GLI3: variants seen among roughly 807,000 people sequenced by gnomAD.
The protein encoded by GLI3 is GLI family zinc finger 3.
In GLI3, 20 loss-of-function variants were observed where a neutral mutation model predicts 100.8. The ratio of observed to expected loss-of-function variants is 0.20; its 90% CI spans 0.14 to 0.29. The LOEUF (loss-of-function observed/expected upper bound fraction) is 0.29, where lower values mean the gene tolerates loss of function less well. GLI3 is among the 10% of genes least tolerant of loss of function. The pLI is 1.00. For synonymous variants in GLI3, 938 were observed against 860.5 expected (o/e 1.09, Z -1.58); for missense variants, 2,040 against 2,128.5 (o/e 0.96, Z 0.82).
chr7:42,168,414 A>G (rs1787288613), intron 2 of GLI3, among the ~76,000 whole-genome samples: 1 of 152,236 alleles, frequency 6.6e-6, no homozygotes, highest in Non-Finnish European at 1.5e-5. Flanking sequence ...GAATATTCAC[A>G]GGATCGCTCT....
At chr7:42,115,178 T>C (rs1187687336) in intron 3 of GLI3, among the ~76,000 whole-genome samples, 51 of 131,244 alleles carry the variant, frequency 3.9e-4, no homozygotes, top group African/African-American at 1.2e-3. Flanking sequence ...TCGCTCTGTC[T>C]CCCAGGTTGG....
chr7:42,183,245 TG>T (rs1787653268), intron 2 of GLI3, among the ~76,000 whole-genome samples: 1 of 152,018 alleles, frequency 6.6e-6, no homozygotes, highest in Non-Finnish European at 1.5e-5. Flanking sequence ...AAAAAATCAC[TG>T]TTAATATTGA....
chr7:41,987,715 G>A (rs1193772215), intron 10 of GLI3, among the ~76,000 whole-genome samples: 1 of 152,164 alleles, frequency 6.6e-6, no homozygotes, highest in African/African-American at 2.4e-5. Flanking sequence ...TGAAAAAGCA[G>A]ATAGTTTCTA....
At chr7:42,131,389 G>A (rs969208437) in intron 3 of GLI3, among the ~76,000 whole-genome samples, 1 of 152,272 alleles carries the variant, frequency 6.6e-6, no homozygotes, top group East Asian at 1.9e-4. Context: ...CAACATGATA[G>A]GTAGGAAAGC....
intron 3 of GLI3, among the ~76,000 whole-genome samples, chr7:42,124,036 G>A (rs896442702): frequency 1.5e-4 from 23 of 151,806 alleles, no homozygotes; most frequent in East Asian, 1.9e-4. Context: ...TGCTTTGTTC[G>A]ACTCTCCCAC....
intron 4 of GLI3, among the ~76,000 whole-genome samples, chr7:42,067,942 T>C (rs1784708544): frequency 6.6e-6 from 1 of 152,256 alleles, no homozygotes; most frequent in African/African-American, 2.4e-5. Context: ...TAAGAAAATT[T>C]TAAATATCTG....
chr7:42,020,978 A>G (rs1182257793), intron 10 of GLI3, among the ~76,000 whole-genome samples: 2 of 152,090 alleles, frequency 1.3e-5, no homozygotes, highest in African/African-American at 4.8e-5. Flanking sequence ...GACTTGAAGT[A>G]GCTATTCCTT....
chr7:42,103,757 A>T (rs1391868874), intron 3 of GLI3, among the ~76,000 whole-genome samples: 2 of 152,044 alleles, frequency 1.3e-5, no homozygotes, highest in African/African-American at 4.8e-5. Context: ...CACCCAAGAT[A>T]ACCCAAGATA....
At chr7:42,073,087 G>A (rs188320539) in intron 4 of GLI3, among the ~76,000 whole-genome samples, 4 of 152,102 alleles carry the variant, frequency 2.6e-5, no homozygotes, top group African/African-American at 4.8e-5. Context: ...CAACCTTTAC[G>A]TGACAACTCA....
intron 10 of GLI3, among the ~76,000 whole-genome samples, chr7:42,018,460 G>T (rs751166147): frequency 6.6e-6 from 1 of 152,124 alleles, no homozygotes; most frequent in Non-Finnish European, 1.5e-5. Context: ...CAAAGGGATC[G>T]AAATTATATG....
intron 10 of GLI3, among the ~76,000 whole-genome samples, chr7:41,981,860 C>T (rs1403051042): frequency 6.6e-6 from 1 of 152,166 alleles, no homozygotes; most frequent in Admixed American, 6.5e-5. Context: ...CTGGAAAAAT[C>T]CCAATCATTT....
upstream of GLI3, among the ~76,000 whole-genome samples, chr7:42,264,268 C>T (rs1789175729): frequency 6.6e-6 from 1 of 152,196 alleles, no homozygotes. Context: ...AGAACACTGA[C>T]ACCTGATACA....
rs550264781 is a variant in GLI3 at position 41,964,064 on chromosome 7, GTT to G, written c.*264_*265del. On this transcript the variant is annotated 3_prime_UTR_variant, in exon 15 of 15. Coordinates refer to ENST00000395925, the MANE Select transcript of GLI3 (RefSeq NM_000168.6). ...TACTAAAAAGGGGGCGGGGCTTACA[GTT>G]TTTTTTTTTTTTTTTAAAAAGAGGG... The G allele has an allele frequency of 7.2e-4, 147 of 205,270 alleles. No individual in the cohort carries two copies. Among genetic ancestry groups the G allele is most frequent in the Middle Eastern group, 2.0e-3 (1 of 488 alleles). The allele number at this position is 205,270 out of a possible 1,614,324, so 12.7% of individuals were successfully genotyped here.
At chr7:42,231,328 G>T (rs1788692869) in intron 1 of GLI3, among the ~76,000 whole-genome samples, 1 of 152,058 alleles carries the variant, frequency 6.6e-6, no homozygotes, top group South Asian at 2.1e-4. Context: ...ATTCTTAATT[G>T]CAGATTTAAA....
At position 41,963,918 on chromosome 7, in the gene GLI3, C is replaced by T; in HGVS notation, c.*412G>A. 1 of 170,246 alleles carries T rather than the reference C, an allele frequency of 5.9e-6. No homozygotes were observed. Among genetic ancestry groups the T allele is most frequent in the Admixed American group, 5.6e-5 (1 of 17,966 alleles). The allele number at this position is 170,246 out of a possible 1,614,324, so 10.5% of individuals were successfully genotyped here. A position where few individuals can be genotyped will look rare whatever the true frequency, so the allele number is the denominator to read the frequency against. On this transcript the variant is annotated 3_prime_UTR_variant, in exon 15 of 15. Coordinates refer to ENST00000395925, the MANE Select transcript of GLI3 (RefSeq NM_000168.6). ...ATTTTAAAAGCTGGAAGTGTAACCC[C>T]TTGGTCACAAGCACACCAACTCCTA... is the stretch of plus-strand genomic sequence containing the variant.
chr7:42,125,896 C>T (rs893596469), intron 3 of GLI3, among the ~76,000 whole-genome samples: 3 of 152,024 alleles, frequency 2.0e-5, no homozygotes, highest in Admixed American at 2.0e-4. Flanking sequence ...ATACAGAACT[C>T]GATTAATAAA....
intron 12 of GLI3, among the ~76,000 whole-genome samples, chr7:41,974,290 G>C (rs1045428874): frequency 2.0e-5 from 3 of 152,166 alleles, no homozygotes. Context: ...GTGTGCCCTT[G>C]TGTGTGAACA....
chr7:42,190,966 T>G (rs1787815496), intron 2 of GLI3, among the ~76,000 whole-genome samples: 1 of 152,160 alleles, frequency 6.6e-6, no homozygotes, highest in South Asian at 2.1e-4. Context: ...TTTAATACTT[T>G]TTTTAAAAAA....
At chr7:42,219,276 T>C (rs1001957125) in intron 2 of GLI3, among the ~76,000 whole-genome samples, 1 of 152,234 alleles carries the variant, frequency 6.6e-6, no homozygotes. Context: ...TCCTTCGTCA[T>C]TTACACTTCA....
Sources: allele counts gnomAD v4.1 joint callset (sites outside exome capture counted in the v4.1 genomes callset), GRCh38; gene constraint gnomAD v4.1.1; transcripts MANE v1.5; gene names NCBI Gene and HGNC (gene_info 2026-07-23, HGNC 2026-07-21).